Variants in HSD17B2 observed in about 807,000 individuals in gnomAD.
HSD17B2 encodes 17-beta-hydroxysteroid dehydrogenase type 2.
HSD17B2 carries 32 observed loss-of-function variants against 26.9 expected under a neutral mutation model. The ratio of observed to expected loss-of-function variants is 1.19; its 90% CI spans 0.90 to 1.60. HSD17B2 has a LOEUF of 1.60. HSD17B2 is among the 40% of genes most tolerant of loss of function. The probability of loss-of-function intolerance (pLI) is 0.00; values close to 1 mark genes in which losing one functional copy is unlikely to be tolerated. For synonymous variants in HSD17B2, 246 were observed against 186.7 expected (o/e 1.32, Z -2.59); for missense variants, 613 against 468.6 (o/e 1.31, Z -2.85).
In HSD17B2 at chr16:82,055,100, C is replaced by T. The variant is rs143140480; in HGVS notation, c.266-13070C>T. Among the ~76,000 whole-genome samples the T allele has an allele frequency of 5.4e-3, 821 of 152,334 alleles. 3 individuals are homozygous for T. The highest frequency in any genetic ancestry group is 6.1e-3 in the Non-Finnish European group (413 of 68,030). On this transcript the variant is annotated intron_variant, in intron 1 of 4. Transcript: ENST00000199936. The stretch of plus-strand genomic sequence containing the variant: ...ATGTCTCCAGACATTGTCAAATGTT[C>T]CCTGGGGGGGAACTGAAAATCACTG...
intron 1 of HSD17B2, among the ~76,000 whole-genome samples, chr16:82,052,067 T>G (rs990946445): frequency 6.6e-6 from 1 of 152,224 alleles, no homozygotes; most frequent in Non-Finnish European, 1.5e-5. Context: ...GCTCAGGAAA[T>G]AATGTCTGTG....
intron 2 of HSD17B2, among the ~76,000 whole-genome samples, chr16:82,070,220 G>C (rs1292916008): frequency 6.6e-6 from 1 of 152,006 alleles, no homozygotes; most frequent in East Asian, 1.9e-4. Context: ...CACCTAACCA[G>C]TCATTCAAGC....
intron 1 of HSD17B2, among the ~76,000 whole-genome samples, chr16:82,040,828 A>G (rs1913745998): frequency 6.6e-6 from 1 of 152,212 alleles, no homozygotes. Context: ...GTGAAGTGTC[A>G]CTGGAAATTG....
At position 82,089,910 on chromosome 16, in the gene HSD17B2, G is replaced by A. The variant is rs185179709; in HGVS notation, c.665-992G>A. On this transcript the variant is annotated intron_variant, in intron 3 of 4. Transcript: ENST00000199936. ...TCTTCAGAGACTCTTATTCCAAGTGGATCACTCCCTTTCTTGGCTTCCTTT... is the reference window on the plus strand; with the variant it reads ...TCTTCAGAGACTCTTATTCCAAGTGAATCACTCCCTTTCTTGGCTTCCTTT... Among the ~76,000 whole-genome samples the A allele has an allele frequency of 8.7e-4, 133 of 152,178 alleles. 1 individual carries two copies. Among genetic ancestry groups the A allele is most frequent in the Admixed American group, 1.8e-3 (27 of 15,286 alleles).
chr16:82,096,037 A>C (rs1248085326), intron 4 of HSD17B2: 2 of 152,148 alleles, frequency 1.3e-5, no homozygotes, highest in Non-Finnish European at 2.9e-5. Context: ...AAAGTAAATA[A>C]ATTATTTAAT....
intron 4 of HSD17B2, chr16:82,096,003 G>A (rs1904828098): frequency 1.3e-5 from 2 of 152,138 alleles, no homozygotes; most frequent in African/African-American, 4.8e-5. Context: ...TTTATATAAT[G>A]AGGAGGCAGA....
intron 1 of HSD17B2, among the ~76,000 whole-genome samples, chr16:82,063,637 T>A (rs1258393183): frequency 6.6e-6 from 1 of 152,242 alleles, no homozygotes; most frequent in Non-Finnish European, 1.5e-5. Flanking sequence ...AATCTGCAAG[T>A]GTCTCAAGAT....
At chr16:82,072,211 GGAGAGAGA>G (rs148943235) in intron 3 of HSD17B2, among the ~76,000 whole-genome samples, 1 of 150,962 alleles carries the variant, frequency 6.6e-6, no homozygotes, top group Non-Finnish European at 1.5e-5. Flanking sequence ...AAGAAGGTAG[GGAGAGAGA>G]GAGAGAGAGA....
intron 1 of HSD17B2, among the ~76,000 whole-genome samples, chr16:82,058,016 T>C (rs986161586): frequency 1.3e-5 from 2 of 152,134 alleles, no homozygotes; most frequent in Non-Finnish European, 2.9e-5. Flanking sequence ...TATTGGGTCA[T>C]TAATTGTAGA....
chr16:82,040,123 G>C (rs1313195368), intron 1 of HSD17B2, among the ~76,000 whole-genome samples: 1 of 152,228 alleles, frequency 6.6e-6, no homozygotes, highest in Admixed American at 6.5e-5. Context: ...ATATATTGGA[G>C]AACGGATCCA....
chr16:82,091,058 G>A lies in HSD17B2; in HGVS notation c.802+19G>A. 1 of 1,613,382 alleles carries A rather than the reference G, an allele frequency of 6.2e-7. No individual in the cohort carries two copies. The highest frequency in any genetic ancestry group is 8.5e-7 in the Non-Finnish European group (1 of 1,179,400). ...CTAACAAGTAGGTTTCTGAGCCCAA[G>A]AACCTGTGATGTTCATCCTGGAAGG... On this transcript the variant is annotated intron_variant, in intron 4 of 4. Transcript: ENST00000199936.
In HSD17B2 at chr16:82,098,222, A is replaced by C. The variant is rs199644552; in HGVS notation, c.950A>C (p.Asp317Ala). Residue 317 changes from aspartate to alanine, a missense_variant, in exon 5 of 5, where the codon GAC (aspartate) becomes GCC (alanine). By Grantham distance (126) the Asp-to-Ala change is moderately radical (BLOSUM62 -2). Transcript: ENST00000199936. ...TTGATCAACTCGTTAGCCAGCAAGGACTTCTCTCCGGTGCTGCGGGACATC... is the reference window on the plus strand; with the variant it reads ...TTGATCAACTCGTTAGCCAGCAAGGCCTTCTCTCCGGTGCTGCGGGACATC... ...LLLINSLASK[D>A]FSPVLRDIQH... The C allele has an allele frequency of 9.3e-6, 15 of 1,614,144 alleles. No individual in the cohort carries two copies. The highest frequency in any genetic ancestry group is 2.7e-5 in the African/African-American group (2 of 75,044).
intron 1 of HSD17B2, among the ~76,000 whole-genome samples, chr16:82,065,026 C>A (rs919777223): frequency 6.6e-6 from 1 of 152,186 alleles, no homozygotes; most frequent in African/African-American, 2.4e-5. Context: ...CAGCCCCAGA[C>A]AAGAGGTGGA....
intron 1 of HSD17B2, among the ~76,000 whole-genome samples, chr16:82,039,096 A>G (rs992738921): frequency 6.6e-6 from 1 of 152,050 alleles, no homozygotes; most frequent in African/African-American, 2.4e-5. Flanking sequence ...AAAGTGCACC[A>G]TGGATTGATG....
intron 3 of HSD17B2, among the ~76,000 whole-genome samples, chr16:82,084,319 T>A (rs1048874414): frequency 1.3e-5 from 2 of 152,122 alleles, no homozygotes; most frequent in African/African-American, 4.8e-5. Context: ...ACCCACTAGA[T>A]AATAGTAGCA....
Position 82,071,108 on chromosome 16 carries a change from G to A in HSD17B2, c.645G>A (p.Val215=), listed in dbSNP as rs1436837565. The A allele has an allele frequency of 3.7e-6, 6 of 1,614,194 alleles. No individual in the cohort carries two copies. Among genetic ancestry groups the A allele is most frequent in the Non-Finnish European group, 3.4e-6 (4 of 1,180,028 alleles). The part of the protein sequence containing the change: ...PLLRKSKGRL[V]NVSSMGGGAP... The stretch of plus-strand genomic sequence containing the variant: ...TTAGAAAATCCAAAGGGAGGCTGGT[G>A]AATGTCAGCAGCATGGGAGGTGAGT... Residue 215 remains valine (V), a synonymous_variant, in exon 3 of 5, where the codon GTG becomes GTA. Coordinates refer to ENST00000199936, the MANE Select transcript of HSD17B2 (RefSeq NM_002153.3).
intron 4 of HSD17B2, 30 bp from the exon 5 acceptor site, chr16:82,098,045 A>G (rs773700788): frequency 2.5e-6 from 4 of 1,586,598 alleles, no homozygotes; most frequent in Non-Finnish European, 3.4e-6. Context: ...CCTTCCCAGG[A>G]TCTGACTCTT....
chr16:82,061,104 C>G (rs111503860), intron 1 of HSD17B2, among the ~76,000 whole-genome samples: 3,218 of 152,018 alleles, frequency 0.021, 108 homozygotes, highest in African/African-American at 0.072. Flanking sequence ...ATTAAAAATA[C>G]AAAAATGAGC....
chr16:82,076,990 A>G (rs1567589247), intron 3 of HSD17B2, among the ~76,000 whole-genome samples: 1 of 152,236 alleles, frequency 6.6e-6, no homozygotes, highest in Non-Finnish European at 1.5e-5. Flanking sequence ...AATGAAAATT[A>G]TATAATATTG....
Sources: gnomAD v4.1 joint callset for allele counts (sites outside exome capture counted in the v4.1 genomes callset) on GRCh38, gnomAD v4.1.1 for gene constraint, MANE v1.5 for transcripts, NCBI Gene and HGNC (gene_info 2026-07-23, HGNC 2026-07-21) for gene names.